Variants in NBAS observed in about 807,000 individuals in gnomAD.
NBAS encodes NBAS subunit of NRZ tethering complex.
In NBAS, 219 loss-of-function variants were observed where a neutral mutation model predicts 302.5. That is an observed-to-expected ratio of 0.72 (90% CI 0.65 to 0.81). NBAS has a LOEUF of 0.81. Among genes scored for constraint, NBAS ranks in the 30% least tolerant of loss-of-function variants. NBAS has a pLI of 0.00. For synonymous variants in NBAS, 1,118 were observed against 1,021.6 expected (o/e 1.09, Z -1.80); for missense variants, 2,932 against 2,841.6 (o/e 1.03, Z -0.72).
chr2:14,788,465 G>T, the NBAS span, among the ~76,000 whole-genome samples: 1 of 151,898 alleles, frequency 6.6e-6, no homozygotes, highest in African/African-American at 2.4e-5. Flanking sequence ...TCTACTTTTG[G>T]TCTTTGATGA....
At chr2:14,858,452 T>C in the NBAS span, among the ~76,000 whole-genome samples, 4 of 152,142 alleles carry the variant, frequency 2.6e-5, no homozygotes, top group Non-Finnish European at 5.9e-5. Context: ...ATGTGGTACA[T>C]ACACATGATG....
At chr2:15,325,322 TG>T (rs1558535837) in intron 38 of NBAS, among the ~76,000 whole-genome samples, 2 of 152,196 alleles carry the variant, frequency 1.3e-5, no homozygotes, top group African/African-American at 2.4e-5. Context: ...CTATTAAGCA[TG>T]CAATAACATT....
At chr2:15,240,102 G>T (rs1446598212) in intron 44 of NBAS, among the ~76,000 whole-genome samples, 1 of 152,060 alleles carries the variant, frequency 6.6e-6, no homozygotes, top group Non-Finnish European at 1.5e-5. Flanking sequence ...TCAAAAGGAC[G>T]TGTTGATTTT....
At chr2:15,245,240 G>C (rs12692258) in intron 44 of NBAS, among the ~76,000 whole-genome samples, 1 of 151,710 alleles carries the variant, frequency 6.6e-6, no homozygotes, top group Admixed American at 6.6e-5. Context: ...CCCTCACCCT[G>C]CCTCTCTGAT....
intron 39 of NBAS, among the ~76,000 whole-genome samples, chr2:15,308,857 T>C (rs1671148584): frequency 6.6e-6 from 1 of 151,954 alleles, no homozygotes; most frequent in Non-Finnish European, 1.5e-5. Flanking sequence ...TTATTGAGAG[T>C]TTTTAGCATG....
the NBAS span, among the ~76,000 whole-genome samples, chr2:14,860,542 G>T: frequency 6.6e-6 from 1 of 152,150 alleles, no homozygotes; most frequent in East Asian, 1.9e-4. Context: ...AACATGGATT[G>T]AAATGGAGGT....
At chr2:14,942,170 G>A in the NBAS span, among the ~76,000 whole-genome samples, 9 of 152,160 alleles carry the variant, frequency 5.9e-5, no homozygotes, top group East Asian at 3.8e-4. Flanking sequence ...ATTCTACCTC[G>A]TTCAGGATAA....
At chr2:14,960,708 A>G in the NBAS span, among the ~76,000 whole-genome samples, 1 of 152,152 alleles carries the variant, frequency 6.6e-6, no homozygotes, top group Admixed American at 6.5e-5. Flanking sequence ...AGTTTTGAGG[A>G]AAAAAATAAG....
chr2:14,952,508 CAG>C, the NBAS span, among the ~76,000 whole-genome samples: 23 of 152,174 alleles, frequency 1.5e-4, no homozygotes, highest in Admixed American at 1.5e-3. Flanking sequence ...GAACAGAAAA[CAG>C]AAGATCAGAG....
the NBAS span, among the ~76,000 whole-genome samples, chr2:15,042,567 G>A: frequency 6.6e-6 from 1 of 152,236 alleles, no homozygotes; most frequent in African/African-American, 2.4e-5. Context: ...GGTCTTCTTT[G>A]CATCTCTTCT....
the NBAS span, among the ~76,000 whole-genome samples, chr2:15,146,296 G>A: frequency 6.7e-3 from 1,021 of 152,218 alleles, 67 homozygotes; most frequent in East Asian, 0.13. Flanking sequence ...TACCTAGTAC[G>A]CACTTAAAAT....
the NBAS span, among the ~76,000 whole-genome samples, chr2:14,962,265 A>G: frequency 6.6e-6 from 1 of 152,214 alleles, no homozygotes; most frequent in African/African-American, 2.4e-5. Context: ...ATTTGAAATG[A>G]CAGCATGCAT....
chr2:14,948,325 T>C, the NBAS span, among the ~76,000 whole-genome samples: 1 of 152,088 alleles, frequency 6.6e-6, no homozygotes, highest in Non-Finnish European at 1.5e-5. Flanking sequence ...GCAGTGAACC[T>C]ATCAGGTCCT....
intron 21 of NBAS, among the ~76,000 whole-genome samples, chr2:15,435,620 G>A (rs942693321): frequency 6.6e-6 from 1 of 152,174 alleles, no homozygotes; most frequent in Non-Finnish European, 1.5e-5. Flanking sequence ...CGGTTCCAGA[G>A]TCTACGCTCT....
At chr2:15,098,641 A>G in the NBAS span, among the ~76,000 whole-genome samples, 1 of 129,436 alleles carries the variant, frequency 7.7e-6, no homozygotes, top group Admixed American at 8.7e-5. Context: ...ATTATATATT[A>G]TATATTGTAT....
rs560917391 is a variant in NBAS, at chr2:15,417,102, T to G, written c.2763+425A>C. Among the ~76,000 whole-genome samples, 62 of 152,262 alleles carry G rather than the reference T, an allele frequency of 4.1e-4. No homozygotes were observed. The South Asian group carries it at 9.8e-3, about 24-fold the overall frequency. The stretch of plus-strand genomic sequence containing the variant: ...ATGATCTAAGAATTACTGGGAAAAT[T>G]CTCTTAAACATACTAACCCTGAAGC... On this transcript the variant is annotated intron_variant, in intron 24 of 51. Coordinates refer to ENST00000281513, the MANE Select transcript of NBAS (RefSeq NM_015909.4).
the NBAS span, among the ~76,000 whole-genome samples, chr2:15,051,295 A>C: frequency 6.6e-6 from 1 of 152,232 alleles, no homozygotes; most frequent in Non-Finnish European, 1.5e-5. Context: ...CACCTCAATC[A>C]GTGACCTGAA....
At chr2:14,908,933 T>C in the NBAS span, among the ~76,000 whole-genome samples, 1 of 152,080 alleles carries the variant, frequency 6.6e-6, no homozygotes, top group Non-Finnish European at 1.5e-5. Context: ...TGTAGAAAGA[T>C]CCAGAAATGC....
intron 6 of NBAS, among the ~76,000 whole-genome samples, chr2:15,545,302 T>C (rs1273646910): frequency 6.6e-6 from 1 of 152,164 alleles, no homozygotes; most frequent in Non-Finnish European, 1.5e-5. Flanking sequence ...AATTAAATCC[T>C]GTATGCAGAA....
Sources: gnomAD v4.1 joint callset for allele counts (sites outside exome capture counted in the v4.1 genomes callset) on GRCh38, gnomAD v4.1.1 for gene constraint, MANE v1.5 for transcripts, NCBI Gene and HGNC (gene_info 2026-07-23, HGNC 2026-07-21) for gene names.